KDM4B: variants seen among roughly 807,000 people sequenced by gnomAD.
KDM4B encodes lysine-specific demethylase 4B.
In KDM4B, 32 loss-of-function variants were observed where a neutral mutation model predicts 125.2. The ratio of observed to expected loss-of-function variants is 0.26; its 90% CI spans 0.19 to 0.34. The LOEUF is 0.34. KDM4B is among the 10% of genes least tolerant of loss of function. The probability of loss-of-function intolerance (pLI) is 1.00; values close to 1 mark genes in which losing one functional copy is unlikely to be tolerated. For missense variants in KDM4B, 1,190 were observed against 1,577.7 expected, an observed-to-expected ratio of 0.75 and a Z score of 4.16; for synonymous variants, 721 against 677.9, an observed-to-expected ratio of 1.06 and a Z score of -0.99.
chr19:4,990,329 A>G (rs1253752466), intron 1 of KDM4B, among the ~76,000 whole-genome samples: 1 of 152,176 alleles, frequency 6.6e-6, no homozygotes, highest in Non-Finnish European at 1.5e-5. Flanking sequence ...GTGTTAGAGC[A>G]GTTCACTTCC....
At chr19:4,986,167 T>C (rs1026721031) in intron 1 of KDM4B, among the ~76,000 whole-genome samples, 1 of 152,172 alleles carries the variant, frequency 6.6e-6, no homozygotes, top group African/African-American at 2.4e-5. Flanking sequence ...GGTCCTGATG[T>C]GCCCCGTGTG....
chr19:4,970,332 A>C (rs2145261533), intron 1 of KDM4B, among the ~76,000 whole-genome samples: 1 of 152,330 alleles, frequency 6.6e-6, no homozygotes, highest in African/African-American at 2.4e-5. Flanking sequence ...CCGAGTTGTG[A>C]AACTAGTGAG....
In KDM4B at chr19:5,137,642, C is replaced by T. The variant is rs2146081527; in HGVS notation, c.2407C>T (p.Arg803Ter). ...ACAGGAGTGCTGCCTGTGCAACCTG[C>T]GAGGAGGTGCGCTGCAGATGACCAC... ...WTAECCLCNL[R>*]GGALQMTTDR... The change falls in exon 17 of 23, where the codon CGA (arginine) becomes TGA (stop). Residue 803 changes from arginine to a stop codon, truncating the protein, a stop_gained. Coordinates refer to ENST00000159111, the MANE Select transcript of KDM4B (RefSeq NM_015015.3). LOFTEE classifies it high-confidence loss of function. 1 of 1,601,672 alleles carries T rather than the reference C, an allele frequency of 6.2e-7. No individual in the cohort carries two copies. Among genetic ancestry groups the T allele is most frequent in the Non-Finnish European group, 8.5e-7 (1 of 1,177,766 alleles).
intron 1 of KDM4B, among the ~76,000 whole-genome samples, chr19:4,985,262 T>C (rs1363294039): frequency 1.3e-5 from 2 of 151,994 alleles, no homozygotes. Context: ...AAGTGGAGGT[T>C]GCAGTGAGCC....
At chr19:4,985,103 AC>A in intron 1 of KDM4B, among the ~76,000 whole-genome samples, 1 of 152,210 alleles carries the variant, frequency 6.6e-6, no homozygotes, top group South Asian at 2.1e-4. Context: ...CGGGCAGATC[AC>A]CTTGAGGTCA....
rs141681737 is a variant in KDM4B, at chr19:5,031,431, A to G, written c.-25-1435A>G. ...GGTGCACTTGGGGCCTCCTGTGCAG[A>G]CACTGGCTTTGCGGCTGCCCCATGG... On this transcript the variant is annotated intron_variant, in intron 2 of 22. Coordinates refer to ENST00000159111, the MANE Select transcript of KDM4B (RefSeq NM_015015.3). Among the ~76,000 whole-genome samples, 242 of 152,336 alleles carry G rather than the reference A, an allele frequency of 1.6e-3. 2 individuals are homozygous for G. The highest frequency in any genetic ancestry group is 5.5e-3 in the African/African-American group (229 of 41,580).
rs572521220 is a variant in KDM4B at position 5,114,735 on chromosome 19, A to G, written c.1115+3917A>G. On this transcript the variant is annotated intron_variant, in intron 10 of 22. Coordinates refer to ENST00000159111, the MANE Select transcript of KDM4B (RefSeq NM_015015.3). The surrounding 1 kb of genome is among the most constrained non-coding windows in gnomAD (Gnocchi z 5.8). ...GCCTCCCAGTCCTCCCCACCTTGTG[A>G]GAAGCCCTGAGCCAGCGCGGCACTG... Among the ~76,000 whole-genome samples, 9 of 152,290 alleles carry G rather than the reference A, an allele frequency of 5.9e-5. No individual in the cohort carries two copies. Among genetic ancestry groups the G allele is most frequent in the African/African-American group, 1.9e-4 (8 of 41,572 alleles).
chr19:4,981,051 A>T (rs758818188), intron 1 of KDM4B, among the ~76,000 whole-genome samples: 1 of 152,080 alleles, frequency 6.6e-6, no homozygotes, highest in Non-Finnish European at 1.5e-5. Context: ...GTGAGGCCAC[A>T]GGGTCTAGGC....
rs1443820154 is a variant in KDM4B, at chr19:5,151,671, G to A, written c.*160G>A. Reference sequence around the variant, plus strand: ...GGGCGACAGGAGCCAGCGGGACGCCGCACGCGGCCCCAGACTCAGGGAGCA... The same window carrying A: ...GGGCGACAGGAGCCAGCGGGACGCCACACGCGGCCCCAGACTCAGGGAGCA... On this transcript the variant is annotated 3_prime_UTR_variant, in exon 23 of 23. Coordinates refer to ENST00000159111, the MANE Select transcript of KDM4B (RefSeq NM_015015.3). The A allele has an allele frequency of 3.0e-5, 17 of 566,920 alleles. No homozygotes were observed. The South Asian group carries it at 6.4e-4, about 21-fold the overall frequency. The allele number at this position is 566,920 out of a possible 1,614,324, so 35.1% of individuals were successfully genotyped here.
At position 5,088,394 on chromosome 19, in the gene KDM4B, G is replaced by A. The variant is rs562998034; in HGVS notation, c.918+5890G>A. The stretch of plus-strand genomic sequence containing the variant: ...ACTCCCCCCGTGATTCCTGGACCAC[G>A]CAGGCCATATCACTCGGACACCACG... On this transcript the variant is annotated intron_variant, in intron 9 of 22. Transcript: ENST00000159111. Among the ~76,000 whole-genome samples, 84 of 152,222 alleles carry A rather than the reference G, an allele frequency of 5.5e-4. 1 individual carries two copies. In the South Asian group the frequency reaches 0.017, roughly 31 times the overall value.
At position 5,144,072 on chromosome 19, in the gene KDM4B, G is replaced by A. The variant is rs145228831; in HGVS notation, c.2656G>A (p.Ala886Thr). The A allele has an allele frequency of 1.1e-5, 17 of 1,605,882 alleles. No homozygotes were observed. Among genetic ancestry groups the A allele is most frequent in the African/African-American group, 2.7e-5 (2 of 74,740 alleles). Residue 886 changes from alanine (A) to threonine (T), a missense_variant, in exon 19 of 23, where the codon GCA (alanine) becomes ACA (threonine). By Grantham distance (58) the Ala-to-Thr change is moderately conservative. Coordinates refer to ENST00000159111, the MANE Select transcript of KDM4B (RefSeq NM_015015.3). The part of the protein sequence containing the change: ...TSFHVTCAHA[A>T]GVLMEPDDWP... Reference sequence around the variant, plus strand: ...CTTCCACGTGACCTGCGCCCACGCCGCAGGCGTGCTCATGGAGCCGGACGA... The same window carrying A: ...CTTCCACGTGACCTGCGCCCACGCCACAGGCGTGCTCATGGAGCCGGACGA...
chr19:5,101,058 T>C (rs1421382362), intron 9 of KDM4B, among the ~76,000 whole-genome samples: 1 of 151,396 alleles, frequency 6.6e-6, no homozygotes, highest in Non-Finnish European at 1.5e-5. Flanking sequence ...CTGTCACTAC[T>C]AAAAATACAA....
chr19:5,088,627 G>A (rs1333403520), intron 9 of KDM4B, among the ~76,000 whole-genome samples: 1 of 150,422 alleles, frequency 6.6e-6, no homozygotes, highest in Non-Finnish European at 1.5e-5. Context: ...CCCTGAGGGG[G>A]CCCCTGAGGC....
At chr19:5,102,157 G>C (rs1297154816) in intron 9 of KDM4B, among the ~76,000 whole-genome samples, 5 of 152,278 alleles carry the variant, frequency 3.3e-5, no homozygotes, top group African/African-American at 9.6e-5. Context: ...ATGGCTCCCT[G>C]GTGGCCGTCC....
Position 4,971,808 on chromosome 19 carries a change from G to C in KDM4B, c.-109+2578G>C, listed in dbSNP as rs942708442. On this transcript the variant is annotated intron_variant, in intron 1 of 22. Coordinates refer to ENST00000159111, the MANE Select transcript of KDM4B (RefSeq NM_015015.3). The surrounding 1 kb of genome is among the most constrained non-coding windows in gnomAD (Gnocchi z 4.1). ...TGTAGGTGGCTTTGTTCCCTGGATCGGGGAGCGGAATTGGGGGTTCAGAGC... is the reference window on the plus strand; with the variant it reads ...TGTAGGTGGCTTTGTTCCCTGGATCCGGGAGCGGAATTGGGGGTTCAGAGC... Among the ~76,000 whole-genome samples, 1 of 152,156 alleles carries C rather than the reference G, an allele frequency of 6.6e-6. No individual in the cohort carries two copies.
chr19:5,132,175 G>A (rs1257082409), intron 13 of KDM4B, among the ~76,000 whole-genome samples, 168 bp downstream of exon 13: 2 of 152,210 alleles, frequency 1.3e-5, no homozygotes, highest in Non-Finnish European at 2.9e-5. Context: ...TGTCACTGGG[G>A]CAGGTGGTCG....
At chr19:5,052,478 C>T (rs984508831) in intron 6 of KDM4B, among the ~76,000 whole-genome samples, 6 of 152,106 alleles carry the variant, frequency 3.9e-5, no homozygotes, top group African/African-American at 1.2e-4. Flanking sequence ...ATGAGTCTGT[C>T]GCCCACCCAG....
chr19:4,982,038 C>A lies in KDM4B; in HGVS notation c.-109+12808C>A, dbSNP rs182980837. ...AGGTGCAGTGGCTCATGCCTGTCAT[C>A]CCAGCACTTTGGGAGGCTGAGGTGG... On this transcript the variant is annotated intron_variant, in intron 1 of 22. Coordinates refer to ENST00000159111, the MANE Select transcript of KDM4B (RefSeq NM_015015.3). 6.6e-5 allele frequency among the ~76,000 whole-genome samples: 10 copies of A among 152,304 alleles called. No homozygotes were observed. In the East Asian group the frequency reaches 1.9e-3, roughly 29 times the overall value.
Position 4,971,364 on chromosome 19 carries a change from T to G in KDM4B, c.-109+2134T>G, listed in dbSNP as rs1383676371. ...TGGGGTGGCCAGGGGCCGTCCTCTG[T>G]GTCCTTCTCTCCCACCTGACCACTC... On this transcript the variant is annotated intron_variant, in intron 1 of 22. Transcript: ENST00000159111. The surrounding 1 kb of genome is among the most constrained non-coding windows in gnomAD (Gnocchi z 4.1). Among the ~76,000 whole-genome samples, 1 of 152,132 alleles carries G rather than the reference T, an allele frequency of 6.6e-6. No individual in the cohort carries two copies. The highest frequency in any genetic ancestry group is 1.5e-5 in the Non-Finnish European group (1 of 68,010).
Sources: allele counts gnomAD v4.1 joint callset (sites outside exome capture counted in the v4.1 genomes callset), GRCh38; gene constraint gnomAD v4.1.1; non-coding constraint Gnocchi (gnomAD v3.1); transcripts MANE v1.5; gene names NCBI Gene and HGNC (gene_info 2026-07-23, HGNC 2026-07-21).